Variants in CPEB1 observed in about 807,000 individuals in gnomAD.
CPEB1 encodes cytoplasmic polyadenylation element binding protein 1.
A neutral mutation model predicts 65.8 loss-of-function variants in CPEB1; 7 were observed. The ratio of observed to expected loss-of-function variants is 0.11; its 90% CI spans 0.06 to 0.20. The LOEUF (loss-of-function observed/expected upper bound fraction) is 0.20, where lower values mean the gene tolerates loss of function less well. CPEB1 is among the 10% of genes least tolerant of loss of function. The pLI is 1.00. For missense variants in CPEB1, 551 were observed against 712.2 expected (o/e 0.77, Z 2.58); for synonymous variants, 262 against 260.0 (o/e 1.01, Z -0.08).
intron 3 of CPEB1, among the ~76,000 whole-genome samples, chr15:82,593,742 G>C (rs999382626): frequency 6.6e-6 from 1 of 152,188 alleles, no homozygotes; most frequent in Admixed American, 6.5e-5. Context: ...AATAAGACTT[G>C]AAAGTAAAAA....
intron 3 of CPEB1, among the ~76,000 whole-genome samples, chr15:82,610,981 A>AAAAAG (rs2044094045): frequency 1.5e-5 from 2 of 135,214 alleles, no homozygotes; most frequent in African/African-American, 6.0e-5. Flanking sequence ...AAAAAAAAAA[A>AAAAAG]AAAAAAAGAA....
At chr15:82,632,141 C>T (rs2046307431) in intron 1 of CPEB1, among the ~76,000 whole-genome samples, 1 of 151,858 alleles carries the variant, frequency 6.6e-6, no homozygotes, top group Non-Finnish European at 1.5e-5. Context: ...GCCACCACGC[C>T]CGGCTCATTT....
chr15:82,592,382 G>A (rs2042328771), intron 3 of CPEB1, among the ~76,000 whole-genome samples: 1 of 151,572 alleles, frequency 6.6e-6, no homozygotes, highest in African/African-American at 2.4e-5. Flanking sequence ...GAGCTCATGA[G>A]TTTGAGACCA....
At chr15:82,590,747 CA>C (rs1187897543) in intron 3 of CPEB1, among the ~76,000 whole-genome samples, 1 of 152,126 alleles carries the variant, frequency 6.6e-6, no homozygotes, top group Non-Finnish European at 1.5e-5. Flanking sequence ...ATTTAGCTCC[CA>C]GTTGTGAGAA....
At chr15:82,627,127 C>A (rs2045846143) in intron 3 of CPEB1, 66 bp downstream of exon 3, 2 of 1,274,830 alleles carry the variant, frequency 1.6e-6, no homozygotes, top group East Asian at 5.1e-5. Flanking sequence ...AGACCTCTTA[C>A]ATGCACTACT....
chr15:82,600,504 C>T (rs1427624067), intron 3 of CPEB1, among the ~76,000 whole-genome samples: 1 of 151,798 alleles, frequency 6.6e-6, no homozygotes. Flanking sequence ...TAAACAATGA[C>T]TATATAAGAT....
chr15:82,608,293 C>T (rs2043816203), intron 3 of CPEB1, among the ~76,000 whole-genome samples: 1 of 151,860 alleles, frequency 6.6e-6, no homozygotes, highest in Non-Finnish European at 1.5e-5. Flanking sequence ...ACAAACTTTC[C>T]CTGGGAAATG....
At chr15:82,565,281 A>G (rs2038936987) in intron 4 of CPEB1, among the ~76,000 whole-genome samples, 1 of 152,178 alleles carries the variant, frequency 6.6e-6, no homozygotes, top group African/African-American at 2.4e-5. Context: ...GAAAGCAGCA[A>G]AGACAATGGA....
intron 4 of CPEB1, 37 bp downstream of exon 4, chr15:82,571,307 T>A (rs2039990854): frequency 4.4e-6 from 7 of 1,585,986 alleles, no homozygotes; most frequent in Non-Finnish European, 6.0e-6. Context: ...CCCCCATGCA[T>A]CCCCTTACCC....
At chr15:82,571,940 TC>T in intron 3 of CPEB1, 1 of 822,154 alleles carries the variant, frequency 1.2e-6, no homozygotes. Flanking sequence ...CTTGGAATAG[TC>T]CCGGTGCAGT....
At chr15:82,626,200 C>T (rs1237763024) in intron 3 of CPEB1, among the ~76,000 whole-genome samples, 1 of 151,400 alleles carries the variant, frequency 6.6e-6, no homozygotes, top group Non-Finnish European at 1.5e-5. Context: ...CTTTGGGAGG[C>T]CAAGGCACGC....
rs371603676 is a variant in CPEB1 at position 82,558,122 on chromosome 15, A to C, written c.461-136T>G. 22 of 619,952 alleles carry C rather than the reference A, an allele frequency of 3.5e-5. No individual in the cohort carries two copies. The South Asian group carries it at 5.0e-4, about 14-fold the overall frequency. 38.4% of individuals were successfully genotyped at this position (619,952 alleles called of 1,614,324 possible). ...AAAGCATGCCAGCAAAACACAATAT[A>C]ATGAACAGATATATATCCAGCTCTG... On this transcript the variant is annotated intron_variant, in intron 4 of 12. Coordinates refer to ENST00000684509, the MANE Select transcript of CPEB1 (RefSeq NM_001365242.1).
intron 3 of CPEB1, among the ~76,000 whole-genome samples, chr15:82,578,008 C>CA: frequency 1.3e-5 from 2 of 152,052 alleles, no homozygotes; most frequent in Middle Eastern, 6.8e-3. Flanking sequence ...GGCATGGTGG[C>CA]AGGTGCCTGC....
chr15:82,554,816 T>C (rs1304580222), intron 6 of CPEB1, among the ~76,000 whole-genome samples: 2 of 152,234 alleles, frequency 1.3e-5, no homozygotes, highest in Non-Finnish European at 2.9e-5. Context: ...AACGTGTTGC[T>C]ACAGCAAGAA....
chr15:82,636,419 C>T (rs932151392), intron 1 of CPEB1, among the ~76,000 whole-genome samples: 3 of 152,208 alleles, frequency 2.0e-5, no homozygotes, highest in African/African-American at 7.2e-5. Flanking sequence ...GAATCACTTT[C>T]TCCTGGCTCT....
At chr15:82,568,525 A>G (rs2039518279) in intron 4 of CPEB1, among the ~76,000 whole-genome samples, 1 of 152,206 alleles carries the variant, frequency 6.6e-6, no homozygotes, top group Admixed American at 6.5e-5. Flanking sequence ...AAGCCCATGC[A>G]GGCCTTGCAG....
In CPEB1 at chr15:82,571,347, A is replaced by C; in HGVS notation, c.457T>G (p.Ser153Ala). 1 of 1,611,630 alleles carries C rather than the reference A, an allele frequency of 6.2e-7. No individual in the cohort carries two copies. Among genetic ancestry groups the C allele is most frequent in the Non-Finnish European group, 8.5e-7 (1 of 1,179,002 alleles). The change falls in exon 4 of 13, where the codon TCG becomes GCG. Residue 153 changes from serine (S) to alanine (A), a missense_variant. Around this residue, in one of 6 missense-constraint regions of CPEB1, gnomAD observed 223 missense variants for 228.6 expected, o/e 0.98. Coordinates refer to ENST00000684509, the MANE Select transcript of CPEB1 (RefSeq NM_001365242.1). ...SDSSAQSSTH[S>A]VLSMLHNPLG... ...CAACTCATTCTCTGGCACTCACCCG[A>C]GTGTGTGCTGCTCTGGGCTGAGGAA...
At chr15:82,551,839 C>T (rs2036315063) in intron 9 of CPEB1, among the ~76,000 whole-genome samples, 2 of 152,120 alleles carry the variant, frequency 1.3e-5, no homozygotes, top group Admixed American at 1.3e-4. Context: ...CAGAGTGATT[C>T]AGTAAGTCTG....
At chr15:82,593,930 A>T (rs769575917) in intron 3 of CPEB1, among the ~76,000 whole-genome samples, 1 of 152,200 alleles carries the variant, frequency 6.6e-6, no homozygotes, top group Non-Finnish European at 1.5e-5. Context: ...GGCTTTAAAC[A>T]TTCAGTTAGC....
Sources: gnomAD v4.1 joint callset for allele counts (sites outside exome capture counted in the v4.1 genomes callset) on GRCh38, gnomAD v4.1.1 for gene constraint, gnomAD v4.1.1 regional missense constraint, MANE v1.5 for transcripts, NCBI Gene and HGNC (gene_info 2026-07-23, HGNC 2026-07-21) for gene names.